The following DPF3 variants were observed in gnomAD, a reference collection of about 807,000 sequenced individuals.
DPF3 encodes zinc finger protein DPF3.
DPF3 carries 18 observed loss-of-function variants against 56.8 expected under a neutral mutation model. That is an observed-to-expected ratio of 0.32 (90% confidence interval 0.22 to 0.47). The LOEUF is 0.47. Among genes scored for constraint, DPF3 ranks in the 20% least tolerant of loss-of-function variants. DPF3 has a pLI of 1.00. For missense variants in DPF3, 403 were observed against 488.8 expected (o/e 0.82, Z 1.65); for synonymous variants, 188 against 180.2 (o/e 1.04, Z -0.35).
intron 1 of DPF3, among the ~76,000 whole-genome samples, chr14:72,815,436 T>G (rs1280339908): frequency 1.3e-5 from 2 of 152,246 alleles, no homozygotes; most frequent in Admixed American, 1.3e-4. Context: ...CAATTTCTTT[T>G]AAAGTTAAAT....
chr14:72,616,628 G>A lies in DPF3; in HGVS notation c.*2669C>T, dbSNP rs1884109120. On this transcript the variant is annotated 3_prime_UTR_variant, in exon 11 of 11. Transcript: ENST00000556509. ...TCACTCTGGAATAGGCAGGGCAAGTGTTACTATCTCCACTTTCCAGGTGGG... is the reference window on the plus strand; with the variant it reads ...TCACTCTGGAATAGGCAGGGCAAGTATTACTATCTCCACTTTCCAGGTGGG... Among the ~76,000 whole-genome samples the A allele has an allele frequency of 1.3e-5, 2 of 152,174 alleles. No homozygotes were observed. The highest frequency in any genetic ancestry group is 4.1e-4 in the South Asian group (2 of 4,822).
At chr14:72,766,402 T>C (rs1891288854) in intron 2 of DPF3, among the ~76,000 whole-genome samples, 1 of 152,214 alleles carries the variant, frequency 6.6e-6, no homozygotes, top group East Asian at 1.9e-4. Flanking sequence ...GTGAGCTCCC[T>C]GGGTATTATT....
At chr14:72,665,457 T>G (rs116409163) in intron 8 of DPF3, among the ~76,000 whole-genome samples, 2 of 152,154 alleles carry the variant, frequency 1.3e-5, no homozygotes, top group Non-Finnish European at 2.9e-5. Flanking sequence ...TCACCAGTAA[T>G]GGGGTAAATC....
chr14:72,871,162 C>T (rs1469944832), intron 1 of DPF3, among the ~76,000 whole-genome samples: 1 of 152,192 alleles, frequency 6.6e-6, no homozygotes, highest in East Asian at 1.9e-4. Context: ...CGATTACCTC[C>T]CTCTGGGTAC....
intron 1 of DPF3, among the ~76,000 whole-genome samples, chr14:72,810,918 TG>T (rs1193699571): frequency 3.3e-5 from 5 of 152,218 alleles, no homozygotes; most frequent in African/African-American, 1.2e-4. Context: ...TATAAAGGAA[TG>T]CCTAAGACTT....
intron 3 of DPF3, among the ~76,000 whole-genome samples, chr14:72,752,668 CAT>C (rs966276517): frequency 6.6e-6 from 1 of 152,078 alleles, no homozygotes; most frequent in South Asian, 2.1e-4. Context: ...GTCTCAAAAA[CAT>C]ATATATATTA....
At chr14:72,829,143 A>G (rs1726328307) in intron 1 of DPF3, among the ~76,000 whole-genome samples, 1 of 152,120 alleles carries the variant, frequency 6.6e-6, no homozygotes, top group African/African-American at 2.4e-5. Context: ...AATAAATTTA[A>G]CCATCATCTG....
intron 1 of DPF3, among the ~76,000 whole-genome samples, chr14:72,819,057 C>T (rs1354827271): frequency 6.6e-6 from 1 of 152,128 alleles, no homozygotes. Context: ...TTTGAACAGA[C>T]CCTGCACAAA....
intron 8 of DPF3, among the ~76,000 whole-genome samples, chr14:72,634,794 C>T (rs1246313576): frequency 6.6e-6 from 1 of 152,046 alleles, no homozygotes. Flanking sequence ...ACCCATATTG[C>T]TATTTAAATA....
intron 6 of DPF3, among the ~76,000 whole-genome samples, chr14:72,703,458 G>C (rs1250227246): frequency 6.6e-6 from 1 of 152,120 alleles, no homozygotes; most frequent in Non-Finnish European, 1.5e-5. Context: ...CAAGCAACCA[G>C]ACTCTCGTTT....
intron 8 of DPF3, among the ~76,000 whole-genome samples, chr14:72,658,004 C>A (rs562795988): frequency 6.6e-6 from 1 of 152,172 alleles, no homozygotes; most frequent in Non-Finnish European, 1.5e-5. Context: ...GAGTAGTGTT[C>A]GCATACTTAA....
chr14:72,691,505 G>A (rs1342361828), intron 7 of DPF3, among the ~76,000 whole-genome samples: 4 of 152,192 alleles, frequency 2.6e-5, no homozygotes, highest in East Asian at 1.9e-4. Context: ...AAGGCAGGCG[G>A]ATCACGAGGT....
rs116154644 is a variant in DPF3 at position 72,777,236 on chromosome 14, C to G, written c.33-5343G>C. On this transcript the variant is annotated intron_variant, in intron 1 of 10. Transcript: ENST00000556509. ...CCGCCCACAAACACACACGAAAGCT[C>G]ATCTACACCAATATGCTAACTTCCT... Among the ~76,000 whole-genome samples the G allele has an allele frequency of 1.6e-3, 236 of 150,078 alleles. 1 individual carries two copies. Among genetic ancestry groups the G allele is most frequent in the African/African-American group, 5.5e-3 (225 of 40,674 alleles).
intron 8 of DPF3, chr14:72,671,050 C>A: frequency 6.6e-7 from 1 of 1,519,682 alleles, no homozygotes; most frequent in Non-Finnish European, 8.8e-7. Context: ...AGTTGCCTTT[C>A]ATTAAAAAAA....
intron 8 of DPF3, among the ~76,000 whole-genome samples, chr14:72,646,356 C>T (rs4903040): frequency 0.027 from 4,162 of 152,260 alleles, 157 homozygotes; most frequent in East Asian, 0.13. Context: ...GCTCTGCAGC[C>T]ACTAAGTGGA....
intron 1 of DPF3, among the ~76,000 whole-genome samples, chr14:72,890,307 T>A (rs895065764): frequency 6.6e-6 from 1 of 152,024 alleles, no homozygotes; most frequent in Non-Finnish European, 1.5e-5. Context: ...CTGGCCAAGA[T>A]GGAGAAACCC....
chr14:72,879,670 T>A, intron 1 of DPF3: 2 of 1,147,482 alleles, frequency 1.7e-6, no homozygotes, highest in Non-Finnish European at 2.4e-6. Flanking sequence ...GGAAACCGCC[T>A]GCCCAGAGGA....
intron 3 of DPF3, among the ~76,000 whole-genome samples, chr14:72,737,219 C>A (rs1397345751): frequency 1.0e-4 from 15 of 146,496 alleles, no homozygotes; most frequent in African/African-American, 3.5e-4. Context: ...ACAAAAAAAA[C>A]CACACACACA....
intron 9 of DPF3, among the ~76,000 whole-genome samples, chr14:72,621,009 C>T (rs1884400901): frequency 1.3e-5 from 2 of 152,030 alleles, no homozygotes; most frequent in Non-Finnish European, 1.5e-5. Flanking sequence ...GGCATGGTGG[C>T]GTGCACCTGT....
Sources: gnomAD v4.1 joint callset for allele counts (sites outside exome capture counted in the v4.1 genomes callset) on GRCh38, gnomAD v4.1.1 for gene constraint, MANE v1.5 for transcripts, NCBI Gene and HGNC (gene_info 2026-07-23, HGNC 2026-07-21) for gene names.